Variants in ENTPD5 observed in about 807,000 individuals in gnomAD.
ENTPD5 encodes the protein ectonucleoside triphosphate diphosphohydrolase 5 (inactive).
In ENTPD5, 49 loss-of-function variants were observed where a neutral mutation model predicts 60.2. The observed-to-expected ratio is 0.81, with a 90% CI of 0.65 to 1.03. The LOEUF (loss-of-function observed/expected upper bound fraction) is 1.03. Among genes scored for constraint, ENTPD5 ranks in the 50% least tolerant of loss-of-function variants. ENTPD5 has a pLI of 0.00. For missense variants in ENTPD5, 480 were observed against 507.6 expected (o/e 0.95, Z 0.52); for synonymous variants, 187 against 185.4 (o/e 1.01, Z -0.07).
intron 3 of ENTPD5, among the ~76,000 whole-genome samples, chr14:73,994,630 G>A (rs1456468379): frequency 1.3e-5 from 2 of 151,726 alleles, no homozygotes; most frequent in Non-Finnish European, 2.9e-5. Flanking sequence ...CTACTTGGGA[G>A]GCTGAGTCAG....
chr14:73,962,095 C>A (rs1245525717), downstream of ENTPD5, among the ~76,000 whole-genome samples: 6 of 151,816 alleles, frequency 4.0e-5, 1 homozygote, highest in South Asian at 1.2e-3. Context: ...TTACAGGCGC[C>A]CACCACCACA....
intron 6 of ENTPD5, 117 bp downstream of exon 6, chr14:73,982,901 G>T (rs1011255692): frequency 2.9e-6 from 3 of 1,017,228 alleles, no homozygotes; most frequent in African/African-American, 3.2e-5. Context: ...TCATCACAAT[G>T]CTTTGGCAGT....
At chr14:73,962,352 A>C (rs1334304309), downstream of ENTPD5, among the ~76,000 whole-genome samples, 1 of 152,082 alleles carries the variant, frequency 6.6e-6, no homozygotes, top group Non-Finnish European at 1.5e-5. Flanking sequence ...CTAGGCTTTT[A>C]GGTGTTACGG....
rs1229236954 is a variant in ENTPD5, at chr14:73,988,616, CCTT to C, written c.-70-447_-70-445del. ...GAACTATCAAACACTATAACTTATTCCTTCTATTTAATTGTAAGTTTGTACCCA... is the reference window on the plus strand; with the variant it reads ...GAACTATCAAACACTATAACTTATTCCTATTTAATTGTAAGTTTGTACCCA... On this transcript the variant is annotated intron_variant, in intron 3 of 15. Coordinates refer to ENST00000334696, the MANE Select transcript of ENTPD5 (RefSeq NM_001249.5). Among the ~76,000 whole-genome samples, 24 of 152,122 alleles carry C rather than the reference CCTT, an allele frequency of 1.6e-4. 1 individual carries two copies. The highest frequency in any genetic ancestry group is 9.8e-4 in the Admixed American group (15 of 15,254).
intron 3 of ENTPD5, among the ~76,000 whole-genome samples, chr14:74,002,066 A>C (rs1328460465): frequency 6.6e-6 from 1 of 152,186 alleles, no homozygotes; most frequent in East Asian, 1.9e-4. Flanking sequence ...CATGATGTTA[A>C]GTATTCTACA....
chr14:73,967,214 C>T (rs1280987776), intron 15 of ENTPD5, among the ~76,000 whole-genome samples, 200 bp from the exon 16 acceptor site: 2 of 152,252 alleles, frequency 1.3e-5, no homozygotes, highest in Admixed American at 1.3e-4. Flanking sequence ...TGCCCCTACA[C>T]CCACCATTCT....
chr14:73,976,457 A>G (rs2057449263), intron 8 of ENTPD5, 45 bp from the exon 9 acceptor site: 6 of 1,466,474 alleles, frequency 4.1e-6, no homozygotes, highest in Non-Finnish European at 4.8e-6. Context: ...CATCCTGGGC[A>G]GCCCAACACT....
chr14:73,998,894 A>T (rs1371811090), intron 3 of ENTPD5, among the ~76,000 whole-genome samples: 1 of 152,156 alleles, frequency 6.6e-6, no homozygotes, highest in African/African-American at 2.4e-5. Context: ...ATAGTAGAGG[A>T]CACCAAATAC....
At chr14:73,978,703 G>A (rs1311327283) in intron 6 of ENTPD5, among the ~76,000 whole-genome samples, 1 of 152,014 alleles carries the variant, frequency 6.6e-6, no homozygotes, top group Admixed American at 6.6e-5. Flanking sequence ...CTGAAGTCAG[G>A]AGTTTGAGAC....
intron 11 of ENTPD5, among the ~76,000 whole-genome samples, chr14:73,974,486 T>C (rs1019696659): frequency 6.6e-6 from 1 of 152,218 alleles, no homozygotes; most frequent in African/African-American, 2.4e-5. Flanking sequence ...GTTACTTGCC[T>C]CATATCACAA....
At chr14:74,008,768 T>C (rs756106977) in intron 3 of ENTPD5, among the ~76,000 whole-genome samples, 1 of 152,046 alleles carries the variant, frequency 6.6e-6, no homozygotes, top group Non-Finnish European at 1.5e-5. Context: ...TGAGTTCTAG[T>C]GATCCTCCTG....
At position 73,966,913 on chromosome 14, in the gene ENTPD5, AG is replaced by A; in HGVS notation, c.*14del. The A allele has an allele frequency of 6.2e-7, 1 of 1,609,288 alleles. No individual in the cohort carries two copies. The highest frequency in any genetic ancestry group is 8.5e-7 in the Non-Finnish European group (1 of 1,175,710). ...AGGTGTTGGCAAATGCAGGTCTCCAAGGAAGTACGTGGCCTCAATGGGAGAT... is the reference window on the plus strand; with the variant it reads ...AGGTGTTGGCAAATGCAGGTCTCCAAGAAGTACGTGGCCTCAATGGGAGAT... On this transcript the variant is annotated 3_prime_UTR_variant, in exon 16 of 16. Transcript: ENST00000334696.
chr14:73,989,229 G>C (rs372844177), intron 3 of ENTPD5, among the ~76,000 whole-genome samples: 1 of 152,158 alleles, frequency 6.6e-6, no homozygotes, highest in Middle Eastern at 3.4e-3. Context: ...AGGAGTTCAC[G>C]ACCAGCTTTG....
chr14:73,958,091 C>T, downstream of ENTPD5: 2 of 1,437,238 alleles, frequency 1.4e-6, no homozygotes, highest in African/African-American at 1.4e-5. Flanking sequence ...TGGCTTTTTC[C>T]TCAGCCTATG....
intron 3 of ENTPD5, among the ~76,000 whole-genome samples, chr14:74,009,556 G>A (rs115737952): frequency 0.011 from 1,600 of 152,288 alleles, 35 homozygotes; most frequent in African/African-American, 0.036. Context: ...TCCCAAATTT[G>A]TCTTTCCCCC....
At chr14:74,016,502 G>A (rs1266114905) in intron 1 of ENTPD5, among the ~76,000 whole-genome samples, 1 of 152,112 alleles carries the variant, frequency 6.6e-6, no homozygotes. Flanking sequence ...CAGGCATGGT[G>A]GTGCATGCCT....
intron 3 of ENTPD5, among the ~76,000 whole-genome samples, chr14:73,989,788 G>A (rs1440993927): frequency 1.3e-4 from 19 of 143,120 alleles, no homozygotes; most frequent in Middle Eastern, 3.8e-3. Context: ...AGCCGAGATC[G>A]TGCCACTGCA....
downstream of ENTPD5, chr14:73,956,063 G>A (rs1207737565): frequency 1.1e-5 from 14 of 1,300,668 alleles, no homozygotes; most frequent in Non-Finnish European, 1.5e-5. Context: ...GGTGGCTCAC[G>A]CCTGTAATCC....
In ENTPD5 at chr14:73,970,018, CTG is replaced by C. The variant is rs1302482588; in HGVS notation, c.1190_1191del (p.Thr397SerfsTer80). The C allele has an allele frequency of 3.7e-6, 6 of 1,612,244 alleles. No homozygotes were observed. The highest frequency in any genetic ancestry group is 1.1e-5 in the South Asian group (1 of 91,048). On this transcript the variant is annotated frameshift_variant, in exon 15 of 16. Transcript: ENST00000334696. LOFTEE classifies it high-confidence loss of function. ...GGTGTCCTGTCTCTTACCTGTAAGA[CTG>C]TGCTGTCTGCAAAGCCAAAGCCATC... is the stretch of plus-strand genomic sequence containing the variant. ...LKDGFGFADS[T>X]VLQLTKKVNN...
Sources: gnomAD v4.1 joint callset for allele counts (sites outside exome capture counted in the v4.1 genomes callset) on GRCh38, gnomAD v4.1.1 for gene constraint, MANE v1.5 for transcripts, NCBI Gene and HGNC (gene_info 2026-07-23, HGNC 2026-07-21) for gene names.